The following SVOP variants were observed in gnomAD, a reference collection of about 807,000 sequenced individuals.
SVOP encodes the protein synaptic vesicle 2-related protein.
SVOP carries 17 observed loss-of-function variants against 69.1 expected under a neutral mutation model. That is an observed-to-expected ratio of 0.25 (90% CI 0.17 to 0.37). The LOEUF is 0.37. SVOP is among the 10% of genes least tolerant of loss of function. The probability of loss-of-function intolerance (pLI) is 1.00; values close to 1 mark genes in which losing one functional copy is unlikely to be tolerated. For missense variants in SVOP, 435 were observed against 597.5 expected (o/e 0.73, Z 2.84); for synonymous variants, 238 against 238.6 (o/e 1.00, Z 0.02).
At chr12:109,001,268 T>C (rs1593205834) in intron 1 of SVOP, among the ~76,000 whole-genome samples, 1 of 112,936 alleles carries the variant, frequency 8.9e-6, no homozygotes, top group East Asian at 2.8e-4. Context: ...GAAGGACCTC[T>C]TCAAGGAGAA....
At chr12:108,965,600 T>A (rs1250527792) in intron 5 of SVOP, among the ~76,000 whole-genome samples, 3 of 151,950 alleles carry the variant, frequency 2.0e-5, no homozygotes, top group African/African-American at 7.2e-5. Context: ...TGGAGGCAAC[T>A]GATTCAAAAT....
intron 5 of SVOP, among the ~76,000 whole-genome samples, chr12:108,965,935 C>CTTCCTTCT (rs1168878404): frequency 1.6e-4 from 25 of 151,578 alleles, no homozygotes; most frequent in African/African-American, 5.8e-4. Flanking sequence ...CCCTTCCTTC[C>CTTCCTTCT]TTCCTTCTTT....
At chr12:108,930,059 T>C (rs2039806693) in intron 11 of SVOP, among the ~76,000 whole-genome samples, 1 of 152,230 alleles carries the variant, frequency 6.6e-6, no homozygotes, top group Admixed American at 6.5e-5. Context: ...GCCTGTTTTT[T>C]GCCTGACCTA....
intron 6 of SVOP, among the ~76,000 whole-genome samples, chr12:108,947,637 A>G (rs1455884543): frequency 6.6e-6 from 1 of 152,066 alleles, no homozygotes; most frequent in African/African-American, 2.4e-5. Flanking sequence ...TGCTGCTTCC[A>G]CACTTTCCTC....
At chr12:108,932,962 C>A (rs1299527771) in intron 11 of SVOP, among the ~76,000 whole-genome samples, 1 of 152,098 alleles carries the variant, frequency 6.6e-6, no homozygotes, top group Non-Finnish European at 1.5e-5. Context: ...CACTGCAACC[C>A]CCACCTGCTG....
chr12:108,943,219 A>C (rs181183339), intron 7 of SVOP, among the ~76,000 whole-genome samples: 3 of 152,260 alleles, frequency 2.0e-5, no homozygotes, highest in Middle Eastern at 3.4e-3. Context: ...CCTTTTGCTT[A>C]AGTGAATCAC....
intron 1 of SVOP, among the ~76,000 whole-genome samples, chr12:109,003,499 T>TA (rs994446301): frequency 6.6e-6 from 1 of 152,174 alleles, no homozygotes; most frequent in African/African-American, 2.4e-5. Context: ...AATGAGGAAA[T>TA]ATGAGCTTCC....
At chr12:108,925,907 C>T (rs552631087) in intron 11 of SVOP, among the ~76,000 whole-genome samples, 2 of 151,182 alleles carry the variant, frequency 1.3e-5, no homozygotes, top group East Asian at 3.9e-4. Context: ...CCTTTATCTG[C>T]CCTACATTCC....
At chr12:109,014,971 C>T (rs2040360174) in intron 1 of SVOP, among the ~76,000 whole-genome samples, 1 of 152,146 alleles carries the variant, frequency 6.6e-6, no homozygotes, top group African/African-American at 2.4e-5. Flanking sequence ...GCATTCCTCT[C>T]GCATTGGTCT....
At chr12:108,998,987 A>G (rs1303743142) in intron 1 of SVOP, among the ~76,000 whole-genome samples, 1 of 146,910 alleles carries the variant, frequency 6.8e-6, no homozygotes, top group Admixed American at 6.8e-5. Flanking sequence ...TAAATGGACT[A>G]AATTCTCCAA....
rs145756358 is a variant in SVOP at position 108,918,903 on chromosome 12, T to G, written c.1268+772A>C. ...CTACAACCCCCATCAGAGACCCTGA[T>G]CTTTTATCCAGTTGTGAGGCAGCCA... On this transcript the variant is annotated intron_variant, in intron 13 of 15. Coordinates refer to ENST00000610966, the MANE Select transcript of SVOP (RefSeq NM_018711.5). 2.9e-4 allele frequency among the ~76,000 whole-genome samples: 44 copies of G among 152,246 alleles called. 1 individual carries two copies. The highest frequency in any genetic ancestry group is 6.8e-3 in the Middle Eastern group (2 of 294).
intron 6 of SVOP, among the ~76,000 whole-genome samples, chr12:108,949,759 T>C (rs2039944492): frequency 6.6e-6 from 1 of 151,524 alleles, no homozygotes; most frequent in Admixed American, 6.6e-5. Context: ...AACATCCCCA[T>C]TCTTAGCATG....
intron 1 of SVOP, among the ~76,000 whole-genome samples, chr12:108,986,261 C>T (rs1293118967): frequency 6.6e-6 from 1 of 152,208 alleles, no homozygotes. Flanking sequence ...TCCTAGAAGT[C>T]ACATGGCTTG....
At chr12:108,999,820 G>C (rs1263615471) in intron 1 of SVOP, among the ~76,000 whole-genome samples, 1 of 150,802 alleles carries the variant, frequency 6.6e-6, no homozygotes, top group Non-Finnish European at 1.5e-5. Context: ...GCAGTGTGTA[G>C]AGGGAAATTT....
At chr12:108,916,137 C>T (rs574578137) in intron 14 of SVOP, among the ~76,000 whole-genome samples, 15 of 152,188 alleles carry the variant, frequency 9.9e-5, no homozygotes, top group Admixed American at 3.9e-4. Flanking sequence ...AAAGACTCCT[C>T]CACCAGGAAC....
chr12:108,910,175 G>A lies in SVOP; in HGVS notation c.*2360C>T, dbSNP rs376332164. 1.3e-5 allele frequency: 2 copies of A among 152,154 alleles called. No homozygotes were observed. The allele number at this position is 152,154 out of a possible 1,614,324, so 9.4% of individuals were successfully genotyped here. A position where few individuals can be genotyped will look rare whatever the true frequency, so the allele number is the denominator to read the frequency against. ...GACGGGGTTTCACCATGTTAGCCAG[G>A]ATGGTCTCGATCTCCTGACCTTGTG... On this transcript the variant is annotated 3_prime_UTR_variant, in exon 16 of 16. Coordinates refer to ENST00000610966, the MANE Select transcript of SVOP (RefSeq NM_018711.5).
Position 109,021,030 on chromosome 12 carries a change from G to A in SVOP, c.-162C>T. 1 of 553,720 alleles carries A rather than the reference G, an allele frequency of 1.8e-6. No individual in the cohort carries two copies. Among genetic ancestry groups the A allele is most frequent in the South Asian group, 2.2e-5 (1 of 45,148 alleles). The allele number at this position is 553,720 out of a possible 1,614,324, so 34.3% of individuals were successfully genotyped here. A position where few individuals can be genotyped will look rare whatever the true frequency, so the allele number is the denominator to read the frequency against. On this transcript the variant is annotated 5_prime_UTR_variant, in exon 1 of 16. Transcript: ENST00000610966. ...AGGGAGCCGCTGGGGACCAGCCCAC[G>A]AGACAAAGCCTCCGCCGCCAGGAGA...
intron 1 of SVOP, among the ~76,000 whole-genome samples, chr12:108,985,918 T>C (rs1017332609): frequency 6.6e-5 from 10 of 152,218 alleles, no homozygotes; most frequent in Admixed American, 2.0e-4. Context: ...GAACATAACC[T>C]GCTTGTGAAG....
At chr12:108,998,441 G>C (rs1398512234) in intron 1 of SVOP, among the ~76,000 whole-genome samples, 1 of 152,008 alleles carries the variant, frequency 6.6e-6, no homozygotes, top group Non-Finnish European at 1.5e-5. Context: ...CCAATGTTCA[G>C]ATTCAGGAAA....
Sources: gnomAD v4.1 joint callset for allele counts (sites outside exome capture counted in the v4.1 genomes callset) on GRCh38, gnomAD v4.1.1 for gene constraint, MANE v1.5 for transcripts, NCBI Gene and HGNC (gene_info 2026-07-23, HGNC 2026-07-21) for gene names.